The following EBF1 variants were observed in gnomAD, a reference collection of about 807,000 sequenced individuals.
EBF1 encodes the protein transcription factor COE1.
EBF1 carries 10 observed loss-of-function variants against 68.4 expected under a neutral mutation model. That is an observed-to-expected ratio of 0.15 (90% CI 0.09 to 0.25). EBF1 has a LOEUF of 0.25. EBF1 is among the 10% of genes least tolerant of loss of function. The probability of loss-of-function intolerance (pLI) is 1.00; values close to 1 mark genes in which losing one functional copy is unlikely to be tolerated. For synonymous variants in EBF1, 298 were observed against 299.8 expected, an observed-to-expected ratio of 0.99 and a Z score of 0.06; for missense variants, 509 against 794.4, an observed-to-expected ratio of 0.64 and a Z score of 4.32.
At chr5:158,809,040 T>C (rs1782118771) in intron 8 of EBF1, among the ~76,000 whole-genome samples, 1 of 152,158 alleles carries the variant, frequency 6.6e-6, no homozygotes, top group African/African-American at 2.4e-5. Flanking sequence ...TATATGCATG[T>C]GTTTATAGCT....
chr5:158,923,526 T>C (rs533701226), intron 6 of EBF1, among the ~76,000 whole-genome samples: 3 of 152,316 alleles, frequency 2.0e-5, no homozygotes, highest in Non-Finnish European at 1.5e-5. Flanking sequence ...AAATTTAGTT[T>C]TGTTGAAGCC....
At chr5:159,062,292 C>A (rs1279814294) in intron 6 of EBF1, among the ~76,000 whole-genome samples, 4 of 152,216 alleles carry the variant, frequency 2.6e-5, no homozygotes, top group Non-Finnish European at 4.4e-5. Context: ...TCCCAGCTCG[C>A]AGGTCAGAGA....
At chr5:158,894,166 C>A (rs1214044721) in intron 6 of EBF1, among the ~76,000 whole-genome samples, 1 of 152,134 alleles carries the variant, frequency 6.6e-6, no homozygotes, top group Admixed American at 6.5e-5. Flanking sequence ...AAGTTCCCAG[C>A]AAACATGGCA....
At chr5:158,806,670 A>T (rs562029224) in intron 8 of EBF1, among the ~76,000 whole-genome samples, 34 of 152,298 alleles carry the variant, frequency 2.2e-4, no homozygotes, top group African/African-American at 7.9e-4. Context: ...ATTGCTATGA[A>T]TGTGCACATA....
At chr5:158,707,674 A>T (rs1290544228) in intron 15 of EBF1, 2 of 366,602 alleles carry the variant, frequency 5.5e-6, no homozygotes, top group Non-Finnish European at 1.0e-5. Flanking sequence ...AGAGGAGAAA[A>T]GAGAAATGAT....
chr5:159,018,878 C>G (rs1322808397), intron 6 of EBF1: 1 of 152,196 alleles, frequency 6.6e-6, no homozygotes, highest in East Asian at 1.9e-4. Flanking sequence ...CTGAAGTCCA[C>G]AGCTTCACTC....
At chr5:158,871,670 T>C (rs1232885401) in intron 6 of EBF1, among the ~76,000 whole-genome samples, 1 of 152,192 alleles carries the variant, frequency 6.6e-6, no homozygotes, top group Non-Finnish European at 1.5e-5. Context: ...AATCATAAAA[T>C]GTTACAATGG....
chr5:159,060,134 C>A (rs1004357744), intron 6 of EBF1, among the ~76,000 whole-genome samples: 2 of 152,008 alleles, frequency 1.3e-5, no homozygotes, highest in African/African-American at 4.8e-5. Flanking sequence ...ACTTAGTAAA[C>A]AAACAAAATA....
chr5:159,070,411 C>T (rs893872347), intron 6 of EBF1, among the ~76,000 whole-genome samples: 1 of 152,266 alleles, frequency 6.6e-6, no homozygotes, highest in African/African-American at 2.4e-5. Context: ...TTTTCTAAAT[C>T]ACAGTTTGCA....
intron 11 of EBF1, among the ~76,000 whole-genome samples, chr5:158,717,394 T>C (rs1760965115): frequency 6.6e-6 from 1 of 152,198 alleles, no homozygotes; most frequent in Non-Finnish European, 1.5e-5. Context: ...CTTAAATTCT[T>C]ATTTTTTGTG....
At chr5:158,727,758 A>G (rs1295939963) in intron 11 of EBF1, among the ~76,000 whole-genome samples, 1 of 152,192 alleles carries the variant, frequency 6.6e-6, no homozygotes, top group African/African-American at 2.4e-5. Context: ...CTATTTGGTA[A>G]ATGGTAAAGA....
At chr5:158,952,984 T>C (rs1816351828) in intron 6 of EBF1, among the ~76,000 whole-genome samples, 1 of 151,982 alleles carries the variant, frequency 6.6e-6, no homozygotes. Flanking sequence ...GAAACTTGTT[T>C]AAAAATCCTT....
At chr5:158,881,580 T>G (rs1798915156) in intron 6 of EBF1, among the ~76,000 whole-genome samples, 1 of 152,216 alleles carries the variant, frequency 6.6e-6, no homozygotes, top group African/African-American at 2.4e-5. Flanking sequence ...GCGGGCTGTC[T>G]GAAGCCTGCA....
intron 1 of EBF1, 28 bp from the exon 2 acceptor site, chr5:159,097,158 G>A: frequency 6.2e-7 from 1 of 1,606,640 alleles, no homozygotes; most frequent in Non-Finnish European, 8.5e-7. Context: ...GAGTTAGATG[G>A]CTAAACCGGA....
chr5:158,954,580 C>A (rs1816675283), intron 6 of EBF1, among the ~76,000 whole-genome samples: 1 of 152,204 alleles, frequency 6.6e-6, no homozygotes, highest in African/African-American at 2.4e-5. Context: ...TGGCTTCTAA[C>A]CTAATGAGGG....
At chr5:158,699,416 A>G (rs896645670) in intron 15 of EBF1, among the ~76,000 whole-genome samples, 1 of 152,232 alleles carries the variant, frequency 6.6e-6, no homozygotes, top group Non-Finnish European at 1.5e-5. Context: ...TTTAAGGCAT[A>G]ACTGGAAAGT....
At chr5:158,749,567 C>T (rs1048143905) in intron 10 of EBF1, among the ~76,000 whole-genome samples, 18 of 152,108 alleles carry the variant, frequency 1.2e-4, no homozygotes, top group African/African-American at 3.9e-4. Flanking sequence ...GAAGTCAACA[C>T]TTGGTAGAAA....
At chr5:159,011,625 T>C (rs1764678023) in intron 6 of EBF1, among the ~76,000 whole-genome samples, 1 of 152,228 alleles carries the variant, frequency 6.6e-6, no homozygotes, top group African/African-American at 2.4e-5. Flanking sequence ...AGAAAACCTT[T>C]GTTCTAAATA....
intron 6 of EBF1, among the ~76,000 whole-genome samples, chr5:158,904,513 G>A (rs1583039578): frequency 6.6e-6 from 1 of 152,170 alleles, no homozygotes; most frequent in African/African-American, 2.4e-5. Context: ...CTAATTGGGA[G>A]CATTCACTGA....
Sources: allele counts gnomAD v4.1 joint callset (sites outside exome capture counted in the v4.1 genomes callset), GRCh38; gene constraint gnomAD v4.1.1; transcripts MANE v1.5; gene names NCBI Gene and HGNC (gene_info 2026-07-23, HGNC 2026-07-21).